Variants in GYS2 observed in about 807,000 individuals in gnomAD.
GYS2 encodes the protein glycogen synthase 2.
A neutral mutation model predicts 85.6 loss-of-function variants in GYS2; 80 were observed. The ratio of observed to expected loss-of-function variants is 0.93; its 90% CI spans 0.78 to 1.13. The LOEUF is 1.13. Ranked by LOEUF, GYS2 falls within the 50% of genes most tolerant of loss-of-function variation. The probability of loss-of-function intolerance (pLI) is 0.00; values close to 1 mark genes in which losing one functional copy is unlikely to be tolerated. For synonymous variants in GYS2, 328 were observed against 300.7 expected (o/e 1.09, Z -0.94); for missense variants, 881 against 854.9 (o/e 1.03, Z -0.38).
At position 21,542,543 on chromosome 12, in the gene GYS2, C is replaced by G. The variant is rs1943990791; in HGVS notation, c.1598G>C (p.Gly533Ala). 6.2e-7 allele frequency: 1 copy of G among 1,613,802 alleles called. No individual in the cohort carries two copies. The highest frequency in any genetic ancestry group is 1.3e-5 in the African/African-American group (1 of 75,030). ...GIPSVTTNLSGFGCFMQEHVA... is the reference protein window; with the variant it reads ...GIPSVTTNLSAFGCFMQEHVA... ...GTGCTCCTGCATGAAACAGCCAAAC[C>G]CGGAGAGATTCGTGGTCACACTGGG... The change falls in exon 13 of 16, where the codon GGG (glycine) becomes GCG (alanine). Residue 533 changes from glycine (G) to alanine (A), a missense_variant. Transcript: ENST00000261195.
chr12:21,555,552 T>G (rs1484039693), intron 11 of GYS2, among the ~76,000 whole-genome samples: 1 of 152,190 alleles, frequency 6.6e-6, no homozygotes, highest in Non-Finnish European at 1.5e-5. Flanking sequence ...TCTTAAAACT[T>G]GAAATTTACA....
At chr12:21,565,313 T>G (rs1944304761) in intron 5 of GYS2, among the ~76,000 whole-genome samples, 1 of 148,546 alleles carries the variant, frequency 6.7e-6, no homozygotes, top group Non-Finnish European at 1.5e-5. Flanking sequence ...CCATCATGAC[T>G]GATTTCAAGC....
intron 1 of GYS2, among the ~76,000 whole-genome samples, chr12:21,595,311 G>C (rs984843163): frequency 2.6e-5 from 4 of 152,162 alleles, no homozygotes; most frequent in Admixed American, 2.0e-4. Context: ...GCTCCTGCAG[G>C]ACCCAGGAGA....
At chr12:21,574,112 T>C (rs1944416760) in intron 4 of GYS2, 32 bp downstream of exon 4, 1 of 1,509,712 alleles carries the variant, frequency 6.6e-7, no homozygotes, top group Non-Finnish European at 9.2e-7. Context: ...GAAAGAAGGG[T>C]GAGTAAGAGG....
intron 1 of GYS2, among the ~76,000 whole-genome samples, chr12:21,584,724 C>G (rs1048067154): frequency 6.6e-6 from 1 of 152,204 alleles, no homozygotes; most frequent in African/African-American, 2.4e-5. Context: ...CTTGTCCTCA[C>G]TGGAATAGAC....
intron 4 of GYS2, among the ~76,000 whole-genome samples, chr12:21,571,158 G>T (rs111505513): frequency 6.6e-6 from 1 of 152,184 alleles, no homozygotes; most frequent in African/African-American, 2.4e-5. Context: ...TGGAGACCCC[G>T]TGAGAGGCCT....
At chr12:21,602,508 C>T (rs1944765982) in intron 1 of GYS2, among the ~76,000 whole-genome samples, 3 of 152,050 alleles carry the variant, frequency 2.0e-5, no homozygotes, top group South Asian at 4.1e-4. Context: ...AATTATCCAT[C>T]TATATGAAAA....
At chr12:21,548,924 T>C (rs1469941169) in intron 11 of GYS2, among the ~76,000 whole-genome samples, 1 of 152,160 alleles carries the variant, frequency 6.6e-6, no homozygotes, top group African/African-American at 2.4e-5. Flanking sequence ...AGCTTGACAA[T>C]GGCCTTGGTG....
intron 1 of GYS2, among the ~76,000 whole-genome samples, chr12:21,582,075 A>AG (rs930888288): frequency 6.9e-6 from 1 of 145,214 alleles, no homozygotes; most frequent in African/African-American, 2.6e-5. Context: ...CTACAGAATG[A>AG]GAAAAAAAAA....
chr12:21,536,204 T>A lies in GYS2; in HGVS notation c.*750A>T, dbSNP rs546227422. The A allele has an allele frequency of 5.3e-5, 8 of 152,356 alleles. No individual in the cohort carries two copies. The East Asian group carries it at 1.2e-3, about 22-fold the overall frequency. The allele number at this position is 152,356 out of a possible 1,614,324, so 9.4% of individuals were successfully genotyped here. On this transcript the variant is annotated 3_prime_UTR_variant, in exon 16 of 16. Transcript: ENST00000261195. ...CCAGTGAAAGTTAAGTTATTAAATA[T>A]TAATGTGTTTATTTACTTGGATTTT...
Position 21,541,282 on chromosome 12 carries a change from AAAAAAAAAAC to A in GYS2, c.1646-719_1646-710del, listed in dbSNP as rs1210748176. Among the ~76,000 whole-genome samples the A allele has an allele frequency of 2.2e-3, 286 of 132,776 alleles. 2 individuals are homozygous for A. Among genetic ancestry groups the A allele is most frequent in the African/African-American group, 7.7e-3 (256 of 33,062 alleles). The allele number at this position is 132,776 out of a possible 152,430, so 87.1% of individuals were successfully genotyped here. On this transcript the variant is annotated intron_variant, in intron 13 of 15. Transcript: ENST00000261195. Reference sequence around the variant, plus strand: ...GACCATGTTTCCAAAAAAAAAAAAAAAAAAAAAAACAAAAAACCCAGGGAAATGGCAATGT... The same window carrying A: ...GACCATGTTTCCAAAAAAAAAAAAAAAAAAAACCCAGGGAAATGGCAATGT...
intron 4 of GYS2, among the ~76,000 whole-genome samples, chr12:21,573,806 C>T (rs1266170008): frequency 1.3e-5 from 2 of 152,312 alleles, no homozygotes; most frequent in East Asian, 3.9e-4. Context: ...CATGTGGATC[C>T]AGGGTGTTCA....
intron 11 of GYS2, among the ~76,000 whole-genome samples, chr12:21,551,288 A>G (rs1379666644): frequency 6.6e-6 from 1 of 151,690 alleles, no homozygotes. Flanking sequence ...AATAATAAGT[A>G]TGCATTCTTC....
chr12:21,601,076 T>G (rs1272478465), intron 1 of GYS2, among the ~76,000 whole-genome samples: 1 of 152,154 alleles, frequency 6.6e-6, no homozygotes, highest in Non-Finnish European at 1.5e-5. Flanking sequence ...TAAACTTTTT[T>G]AATGATCCTA....
At chr12:21,539,771 T>A (rs1943950982) in intron 14 of GYS2, among the ~76,000 whole-genome samples, 1 of 152,210 alleles carries the variant, frequency 6.6e-6, no homozygotes, top group Non-Finnish European at 1.5e-5. Flanking sequence ...ATGGAGATAG[T>A]AAAATTAATC....
At chr12:21,533,681 C>T (rs1257370659), downstream of GYS2, among the ~76,000 whole-genome samples, 5 of 152,172 alleles carry the variant, frequency 3.3e-5, no homozygotes, top group Admixed American at 2.6e-4. Context: ...AGTATAACAC[C>T]TTGTAACATT....
At chr12:21,534,115 A>G (rs1256881910), downstream of GYS2, among the ~76,000 whole-genome samples, 1 of 152,176 alleles carries the variant, frequency 6.6e-6, no homozygotes, top group East Asian at 1.9e-4. Context: ...TGATGGTTCG[A>G]TTTATGATTT....
At chr12:21,602,409 C>G (rs1430589963) in intron 1 of GYS2, among the ~76,000 whole-genome samples, 1 of 151,934 alleles carries the variant, frequency 6.6e-6, no homozygotes, top group African/African-American at 2.4e-5. Flanking sequence ...TACCTCATAT[C>G]ACTACTATGA....
chr12:21,553,364 G>A (rs1163197226), intron 11 of GYS2, among the ~76,000 whole-genome samples: 3 of 152,216 alleles, frequency 2.0e-5, no homozygotes, highest in Non-Finnish European at 4.4e-5. Flanking sequence ...GACTTAGTCT[G>A]CTGCCTTCTT....
Sources: allele counts gnomAD v4.1 joint callset (sites outside exome capture counted in the v4.1 genomes callset), GRCh38; gene constraint gnomAD v4.1.1; transcripts MANE v1.5; gene names NCBI Gene and HGNC (gene_info 2026-07-23, HGNC 2026-07-21).